The following SLC39A9 variants were observed in gnomAD, a reference collection of about 807,000 sequenced individuals.
SLC39A9 encodes the protein solute carrier family 39 member 9.
In SLC39A9, 14 loss-of-function variants were observed where a neutral mutation model predicts 28.4. That is an observed-to-expected ratio of 0.49 (90% CI 0.33 to 0.77). The LOEUF is 0.77. Among genes scored for constraint, SLC39A9 ranks in the 30% least tolerant of loss-of-function variants. The probability of loss-of-function intolerance (pLI) is 0.02; values close to 1 mark genes in which losing one functional copy is unlikely to be tolerated. For synonymous variants in SLC39A9, 119 were observed against 149.6 expected (o/e 0.80, Z 1.49); for missense variants, 283 against 381.1 (o/e 0.74, Z 2.14).
At chr14:69,446,890 GAAAA>G (rs35187761) in intron 3 of SLC39A9, among the ~76,000 whole-genome samples, 2 of 83,044 alleles carry the variant, frequency 2.4e-5, no homozygotes, top group African/African-American at 8.8e-5. Flanking sequence ...AAAAAAAAAA[GAAAA>G]AGAAAAAAAA....
At chr14:69,453,869 C>T (rs750902879) in intron 4 of SLC39A9, among the ~76,000 whole-genome samples, 1 of 152,184 alleles carries the variant, frequency 6.6e-6, no homozygotes, top group East Asian at 1.9e-4. Context: ...TTGCAAGAGA[C>T]CAAATAACTG....
At chr14:69,416,274 A>C (rs1230128552) in intron 1 of SLC39A9, among the ~76,000 whole-genome samples, 2 of 152,202 alleles carry the variant, frequency 1.3e-5, no homozygotes, top group African/African-American at 4.8e-5. Flanking sequence ...TTCCAGCTTC[A>C]TCCATGTCCC....
intron 1 of SLC39A9, among the ~76,000 whole-genome samples, chr14:69,410,678 C>A (rs569400591): frequency 3.9e-5 from 6 of 152,296 alleles, no homozygotes; most frequent in Admixed American, 3.3e-4. Context: ...TAAGAAATAT[C>A]TCTTTCTTGA....
At chr14:69,446,445 A>AG (rs1229063519) in intron 3 of SLC39A9, among the ~76,000 whole-genome samples, 1 of 151,924 alleles carries the variant, frequency 6.6e-6, no homozygotes, top group Non-Finnish European at 1.5e-5. Flanking sequence ...ACTGAAAAAA[A>AG]CAGAAGGAAG....
intron 2 of SLC39A9, among the ~76,000 whole-genome samples, chr14:69,425,683 T>G (rs1884151496): frequency 6.6e-6 from 1 of 152,080 alleles, no homozygotes; most frequent in African/African-American, 2.4e-5. Flanking sequence ...ATTTGTTTGT[T>G]TTGAGACATG....
chr14:69,456,350 G>A (rs1050153619), intron 6 of SLC39A9, among the ~76,000 whole-genome samples: 1 of 152,132 alleles, frequency 6.6e-6, no homozygotes, highest in African/African-American at 2.4e-5. Flanking sequence ...ACAACATACT[G>A]CTCACTGAAA....
At position 69,461,411 on chromosome 14, in the gene SLC39A9, C is replaced by G; in HGVS notation, c.*2818C>G. 1 of 1,254,828 alleles carries G rather than the reference C, an allele frequency of 8.0e-7. No homozygotes were observed. Among genetic ancestry groups the G allele is most frequent in the Non-Finnish European group, 1.0e-6 (1 of 990,622 alleles). The allele number at this position is 1,254,828 out of a possible 1,614,324, so 77.7% of individuals were successfully genotyped here. A position where few individuals can be genotyped will look rare whatever the true frequency, so the allele number is the denominator to read the frequency against. On this transcript the variant is annotated 3_prime_UTR_variant, in exon 7 of 7. Coordinates refer to ENST00000336643, the MANE Select transcript of SLC39A9 (RefSeq NM_018375.5). Reference sequence around the variant, plus strand: ...TTCAGTTTTCCTGTGCACACTATTGCCAAATTTTTTTTTAGCAAAGATTCT... The same window carrying G: ...TTCAGTTTTCCTGTGCACACTATTGGCAAATTTTTTTTTAGCAAAGATTCT...
At chr14:69,455,366 A>T (rs1436528985) in intron 5 of SLC39A9, among the ~76,000 whole-genome samples, 1 of 151,810 alleles carries the variant, frequency 6.6e-6, no homozygotes, top group Non-Finnish European at 1.5e-5. Context: ...TGCTCTTGTC[A>T]CCCAGGCTGG....
intron 1 of SLC39A9, among the ~76,000 whole-genome samples, chr14:69,422,249 C>T (rs1392836463): frequency 1.3e-5 from 2 of 152,014 alleles, no homozygotes; most frequent in Non-Finnish European, 2.9e-5. Flanking sequence ...TAATTATTCC[C>T]TTGTGGTTTT....
intron 1 of SLC39A9, among the ~76,000 whole-genome samples, chr14:69,421,173 G>A (rs940097267): frequency 1.3e-5 from 2 of 152,222 alleles, no homozygotes; most frequent in Non-Finnish European, 2.9e-5. Context: ...TACAGATGGG[G>A]TTTTGGTGTG....
At chr14:69,400,321 CG>C (rs2140239951) in intron 1 of SLC39A9, among the ~76,000 whole-genome samples, 1 of 152,256 alleles carries the variant, frequency 6.6e-6, no homozygotes, top group East Asian at 1.9e-4. Flanking sequence ...TTGGTTAATA[CG>C]TTTTGACATT....
rs1411985082 is a variant in SLC39A9 at position 69,460,097 on chromosome 14, A to G, written c.*1504A>G. 4.1e-6 allele frequency: 4 copies of G among 978,826 alleles called. No individual in the cohort carries two copies. Among genetic ancestry groups the G allele is most frequent in the Admixed American group, 6.2e-5 (1 of 16,260 alleles). The allele number at this position is 978,826 out of a possible 1,614,324, so 60.6% of individuals were successfully genotyped here. A position where few individuals can be genotyped will look rare whatever the true frequency, so the allele number is the denominator to read the frequency against. Reference sequence around the variant, plus strand: ...ACCCTGTCTTGTCAAATAAGTGTATAATATTGTATTATTAATTTATTTTTA... The same window carrying G: ...ACCCTGTCTTGTCAAATAAGTGTATGATATTGTATTATTAATTTATTTTTA... On this transcript the variant is annotated 3_prime_UTR_variant, in exon 7 of 7. Transcript: ENST00000336643.
rs1885828390 is a variant in SLC39A9 at position 69,455,763 on chromosome 14, T to G, written c.590T>G (p.Leu197Trp). The G allele has an allele frequency of 6.2e-7, 1 of 1,614,232 alleles. No individual in the cohort carries two copies. Among genetic ancestry groups the G allele is most frequent in the Non-Finnish European group, 8.5e-7 (1 of 1,180,032 alleles). Residue 197 changes from leucine (L) to tryptophan (W), a missense_variant, in exon 6 of 7, where the codon TTG becomes TGG. Leu to Trp is a moderately conservative substitution (Grantham distance 61). Coordinates refer to ENST00000336643, the MANE Select transcript of SLC39A9 (RefSeq NM_018375.5). ...GCTGCTTTTGGACTGGTTTCCTTCTTGATGCATGCTGGCTTAGAGCGGAAT... is the reference window on the plus strand; with the variant it reads ...GCTGCTTTTGGACTGGTTTCCTTCTGGATGCATGCTGGCTTAGAGCGGAAT... ...APAAFGLVSF[L>W]MHAGLERNRI... is the part of the protein sequence containing the mutation.
At chr14:69,425,056 A>G (rs976902490) in intron 2 of SLC39A9, among the ~76,000 whole-genome samples, 4 of 152,218 alleles carry the variant, frequency 2.6e-5, no homozygotes, top group Non-Finnish European at 5.9e-5. Flanking sequence ...TTTGGCAGAT[A>G]TAAATGAGGA....
chr14:69,442,390 G>T, intron 3 of SLC39A9, 124 bp downstream of exon 3: 1 of 913,692 alleles, frequency 1.1e-6, no homozygotes, highest in Non-Finnish European at 1.7e-6. Context: ...TCTTCCTTGG[G>T]TTCTAGTGAA....
At chr14:69,435,308 C>G (rs754183373) in intron 2 of SLC39A9, among the ~76,000 whole-genome samples, 34 of 152,108 alleles carry the variant, frequency 2.2e-4, no homozygotes, top group Non-Finnish European at 4.6e-4. Flanking sequence ...CCTCTTTATT[C>G]CTGGTAATAT....
intron 2 of SLC39A9, among the ~76,000 whole-genome samples, chr14:69,425,055 T>G (rs1288962971): frequency 6.6e-6 from 1 of 152,168 alleles, no homozygotes; most frequent in Non-Finnish European, 1.5e-5. Flanking sequence ...TTTTGGCAGA[T>G]ATAAATGAGG....
intron 1 of SLC39A9, among the ~76,000 whole-genome samples, chr14:69,402,404 T>G (rs1882689149): frequency 6.6e-6 from 1 of 152,228 alleles, no homozygotes; most frequent in African/African-American, 2.4e-5. Flanking sequence ...TGCTGCTTTC[T>G]CATTCAATAC....
chr14:69,440,236 G>A (rs766945685), intron 2 of SLC39A9, among the ~76,000 whole-genome samples: 5 of 152,056 alleles, frequency 3.3e-5, no homozygotes, highest in African/African-American at 9.7e-5. Flanking sequence ...GCAGTGAGCC[G>A]ATATCATGCC....
Sources: gnomAD v4.1 joint callset for allele counts (sites outside exome capture counted in the v4.1 genomes callset) on GRCh38, gnomAD v4.1.1 for gene constraint, MANE v1.5 for transcripts, NCBI Gene and HGNC (gene_info 2026-07-23, HGNC 2026-07-21) for gene names.